Variants in R3HDM2 observed in about 807,000 individuals in gnomAD.
The protein encoded by R3HDM2 is R3H domain containing 2, also known as R3H domain-containing protein 2.
R3HDM2 carries 38 observed loss-of-function variants against 124.5 expected under a neutral mutation model. The ratio of observed to expected loss-of-function variants is 0.31; its 90% CI spans 0.24 to 0.40. R3HDM2 has a LOEUF of 0.40. R3HDM2 is among the 10% of genes least tolerant of loss of function. The probability of loss-of-function intolerance (pLI) is 1.00; values close to 1 mark genes in which losing one functional copy is unlikely to be tolerated. For synonymous variants in R3HDM2, 391 were observed against 448.0 expected, an observed-to-expected ratio of 0.87 and a Z score of 1.61; for missense variants, 869 against 1,236.9, an observed-to-expected ratio of 0.70 and a Z score of 4.46.
intron 2 of R3HDM2, among the ~76,000 whole-genome samples, chr12:57,330,055 C>T (rs2057918484): frequency 6.6e-6 from 1 of 152,142 alleles, no homozygotes; most frequent in Non-Finnish European, 1.5e-5. Context: ...CAACCTCCGC[C>T]TCCCGGGTTT....
At chr12:57,383,245 AG>A (rs2138380541) in intron 2 of R3HDM2, among the ~76,000 whole-genome samples, 1 of 152,274 alleles carries the variant, frequency 6.6e-6, no homozygotes, top group African/African-American at 2.4e-5. Context: ...GCTTGAGCCA[AG>A]GAGGTCAAGG....
At chr12:57,423,627 C>T (rs1242773353) in intron 1 of R3HDM2, among the ~76,000 whole-genome samples, 1 of 151,380 alleles carries the variant, frequency 6.6e-6, no homozygotes, top group Non-Finnish European at 1.5e-5. Context: ...CCCTGGCCAA[C>T]ATGGTGAAAC....
chr12:57,294,697 C>T (rs144989295), intron 10 of R3HDM2, among the ~76,000 whole-genome samples: 1 of 152,274 alleles, frequency 6.6e-6, no homozygotes, highest in Admixed American at 6.5e-5. Context: ...TTCTTCTTAG[C>T]TAACCCGCAA....
rs56207989 is a variant in R3HDM2 at position 57,320,261 on chromosome 12, C to CA, written c.-35-9799dup. Among the ~76,000 whole-genome samples, 19 of 14,288 alleles carry CA rather than the reference C, an allele frequency of 1.3e-3. 3 individuals are homozygous for CA. The highest frequency in any genetic ancestry group is 7.4e-3 in the East Asian group (1 of 136). 9.4% of individuals were successfully genotyped at this position (14,288 alleles called of 152,430 possible). Reference sequence around the variant, plus strand: ...GGGCAACAAGAGTGCAACTCTATCTCAAAAAAAAAAAAAAAAAAAAAAAAA... The same window carrying CA: ...GGGCAACAAGAGTGCAACTCTATCTCAAAAAAAAAAAAAAAAAAAAAAAAAA... On this transcript the variant is annotated intron_variant, in intron 2 of 23. Transcript: ENST00000402412.
intron 2 of R3HDM2, among the ~76,000 whole-genome samples, chr12:57,354,999 T>C (rs2061101208): frequency 1.3e-5 from 2 of 151,814 alleles, no homozygotes; most frequent in South Asian, 4.2e-4. Flanking sequence ...TAGTTTTGTT[T>C]TGTTTGTTTG....
chr12:57,292,320 C>G (rs1438381650), intron 11 of R3HDM2, among the ~76,000 whole-genome samples: 1 of 152,192 alleles, frequency 6.6e-6, no homozygotes, highest in Non-Finnish European at 1.5e-5. Flanking sequence ...TTACCAAATT[C>G]AGCCACTCCA....
intron 1 of R3HDM2, among the ~76,000 whole-genome samples, chr12:57,405,253 A>G (rs1482203336): frequency 1.3e-5 from 2 of 152,214 alleles, no homozygotes; most frequent in African/African-American, 4.8e-5. Context: ...GCTGGCTTTT[A>G]TACTTTAAAA....
chr12:57,292,044 G>A (rs887374669), intron 11 of R3HDM2, among the ~76,000 whole-genome samples: 1 of 152,236 alleles, frequency 6.6e-6, no homozygotes, highest in Non-Finnish European at 1.5e-5. Flanking sequence ...AGACTGGAGA[G>A]AACAGTGGTA....
chr12:57,281,642 C>G (rs754406716), intron 13 of R3HDM2, among the ~76,000 whole-genome samples: 2 of 152,046 alleles, frequency 1.3e-5, no homozygotes, highest in Admixed American at 1.3e-4. Flanking sequence ...CCCACCACCA[C>G]GCCCAACTAA....
At chr12:57,413,865 G>C (rs1353615085) in intron 1 of R3HDM2, among the ~76,000 whole-genome samples, 1 of 77,932 alleles carries the variant, frequency 1.3e-5, no homozygotes, top group South Asian at 5.0e-4. Flanking sequence ...TTTTTTTTTT[G>C]AGATGGAGTC....
At position 57,296,220 on chromosome 12, in the gene R3HDM2, G is replaced by A. The variant is rs1437377237; in HGVS notation, c.701+191C>T. Among the ~76,000 whole-genome samples the A allele has an allele frequency of 2.0e-5, 3 of 148,848 alleles. No homozygotes were observed. Among genetic ancestry groups the A allele is most frequent in the African/African-American group, 7.5e-5 (3 of 40,258 alleles). On this transcript the variant is annotated intron_variant, in intron 9 of 23. Transcript: ENST00000402412. This position sits in a 1 kb window ranked among gnomAD's most constrained non-coding sequence, Gnocchi z 4.5. ...AGTAATAGAGATGGGATCTTGCTGT[G>A]TTGACCAGGCTGGTCTCGAACTCCT...
At chr12:57,345,561 G>C (rs957917608) in intron 2 of R3HDM2, among the ~76,000 whole-genome samples, 11 of 150,218 alleles carry the variant, frequency 7.3e-5, no homozygotes, top group African/African-American at 2.7e-4. Context: ...TAAGAGACAG[G>C]TCTTGCTTTA....
At chr12:57,419,143 CCTTT>C (rs1359093589) in intron 1 of R3HDM2, among the ~76,000 whole-genome samples, 2 of 150,562 alleles carry the variant, frequency 1.3e-5, no homozygotes, top group Non-Finnish European at 3.0e-5. Flanking sequence ...ATTCTCCTTT[CCTTT>C]TTTTTTTTTT....
intron 2 of R3HDM2, among the ~76,000 whole-genome samples, chr12:57,363,153 T>C (rs554967039): frequency 6.6e-6 from 1 of 152,200 alleles, no homozygotes; most frequent in Non-Finnish European, 1.5e-5. Flanking sequence ...TAAATTTTGA[T>C]TTGGTGTAGT....
At chr12:57,426,216 A>G (rs2070728293) in intron 1 of R3HDM2, among the ~76,000 whole-genome samples, 1 of 152,186 alleles carries the variant, frequency 6.6e-6, no homozygotes. Flanking sequence ...CGACAGAGCG[A>G]GACTCCATCT....
At chr12:57,331,382 T>C (rs1003771107) in intron 2 of R3HDM2, among the ~76,000 whole-genome samples, 3 of 152,318 alleles carry the variant, frequency 2.0e-5, no homozygotes, top group Middle Eastern at 3.4e-3. Flanking sequence ...AAATACCTCC[T>C]ATACCATTTC....
intron 1 of R3HDM2, among the ~76,000 whole-genome samples, chr12:57,422,468 C>T (rs773203750): frequency 6.6e-6 from 1 of 152,172 alleles, no homozygotes; most frequent in Admixed American, 6.5e-5. Flanking sequence ...CCATGATTTA[C>T]GTAGGCAGTG....
chr12:57,413,520 G>C (rs1318614845), intron 1 of R3HDM2, among the ~76,000 whole-genome samples: 1 of 151,106 alleles, frequency 6.6e-6, no homozygotes, highest in Non-Finnish European at 1.5e-5. Context: ...CAGATCGCTT[G>C]AAGTCAGGAG....
At chr12:57,355,938 T>C (rs185421458) in intron 2 of R3HDM2, among the ~76,000 whole-genome samples, 161 of 152,334 alleles carry the variant, frequency 1.1e-3, no homozygotes, top group African/African-American at 3.6e-3. Context: ...CTTTGTAACC[T>C]GAATCCTTCC....
Sources: allele counts gnomAD v4.1 joint callset (sites outside exome capture counted in the v4.1 genomes callset), GRCh38; gene constraint gnomAD v4.1.1; non-coding constraint Gnocchi (gnomAD v3.1); transcripts MANE v1.5; gene names NCBI Gene and HGNC (gene_info 2026-07-23, HGNC 2026-07-21).